The following DNAJC10 variants were observed in gnomAD, a reference collection of about 807,000 sequenced individuals.
DNAJC10 encodes the protein endoplasmic reticulum disulfide reductase DNAJC10.
Under a neutral mutation model 115.0 loss-of-function variants are expected in DNAJC10, and 101 were observed. That is an observed-to-expected ratio of 0.88 (90% CI 0.75 to 1.04). The LOEUF (loss-of-function observed/expected upper bound fraction) is 1.04. Ranked by LOEUF, DNAJC10 falls within the 50% of genes least tolerant of loss-of-function variation. The pLI, the probability that DNAJC10 is intolerant of heterozygous loss-of-function variation, is 0.00. For synonymous variants in DNAJC10, 307 were observed against 301.5 expected, an observed-to-expected ratio of 1.02 and a Z score of -0.19; for missense variants, 981 against 928.8, an observed-to-expected ratio of 1.06 and a Z score of -0.73.
intron 19 of DNAJC10, 91 bp from the exon 20 acceptor site, chr2:182,758,746 T>A: frequency 1.1e-6 from 1 of 939,694 alleles, no homozygotes. Flanking sequence ...TCAATATAAC[T>A]TATTTTTTAA....
Position 182,794,362 on chromosome 2 carries a change from TAAG to T in DNAJC10, c.*17233_*17235del, listed in dbSNP as rs377352850. 341 of 152,252 alleles carry T rather than the reference TAAG, an allele frequency of 2.2e-3. 4 individuals are homozygous for T. Among genetic ancestry groups the T allele is most frequent in the African/African-American group, 7.8e-3 (323 of 41,566 alleles). The allele number at this position is 152,252 out of a possible 1,614,324, so 9.4% of individuals were successfully genotyped here. On this transcript the variant is annotated 3_prime_UTR_variant, in exon 24 of 24. Transcript: ENST00000264065. ...TGATGACCACATTAAACTTACAGAG[TAAG>T]AAATGTCATTCTAGATTTGATTCTA...
chr2:182,739,261 A>G (rs935142804), intron 11 of DNAJC10, among the ~76,000 whole-genome samples: 2 of 147,626 alleles, frequency 1.4e-5, no homozygotes, highest in African/African-American at 2.5e-5. Context: ...TCATATATAT[A>G]TATTCAGTTT....
At chr2:182,775,237 A>C (rs1694674704) in intron 22 of DNAJC10, 79 bp from the exon 23 acceptor site, 5 of 886,688 alleles carry the variant, frequency 5.6e-6, no homozygotes, top group Non-Finnish European at 8.8e-6. Flanking sequence ...ACTTGAAAGC[A>C]TATTTAATCA....
chr2:182,751,733 A>G lies in DNAJC10; in HGVS notation c.1382A>G (p.Gln461Arg), dbSNP rs895732105. 21 of 1,613,860 alleles carry G rather than the reference A, an allele frequency of 1.3e-5. No homozygotes were observed. Among genetic ancestry groups the G allele is most frequent in the Non-Finnish European group, 1.7e-5 (20 of 1,179,916 alleles). ...VNSHVTTLGP[Q>R]NFPANDKEPW... ...TCTCATGTTACCACGCTTGGACCTC[A>G]AAATTTTCCTGCCAATGACAAAGAA... The change falls in exon 15 of 24, where the codon CAA becomes CGA. Residue 461 changes from glutamine to arginine, a missense_variant. Physicochemically the swap from Gln to Arg is conservative, Grantham distance 43 (BLOSUM62 1). Coordinates refer to ENST00000264065, the MANE Select transcript of DNAJC10 (RefSeq NM_018981.4).
In DNAJC10 at chr2:182,781,702, C is replaced by A. The variant is rs1431290421; in HGVS notation, c.*4570C>A. 1 of 152,186 alleles carries A rather than the reference C, an allele frequency of 6.6e-6. No individual in the cohort carries two copies. The highest frequency in any genetic ancestry group is 2.4e-5 in the African/African-American group (1 of 41,444). The allele number at this position is 152,186 out of a possible 1,614,324, so 9.4% of individuals were successfully genotyped here. A position where few individuals can be genotyped will look rare whatever the true frequency, so the allele number is the denominator to read the frequency against. On this transcript the variant is annotated 3_prime_UTR_variant, in exon 24 of 24. Transcript: ENST00000264065. ...CTCATTGTGTTTTTGATTTGCATTT[C>A]TCTAATGACCACTGATGATGAGCTT...
At chr2:182,738,819 C>T (rs113600679) in intron 11 of DNAJC10, among the ~76,000 whole-genome samples, 14,546 of 152,112 alleles carry the variant, frequency 0.096, 941 homozygotes, top group Non-Finnish European at 0.14. Flanking sequence ...GGATTACAGG[C>T]GTGAGCCACC....
rs1559007360 is a variant in DNAJC10, at chr2:182,740,382, A to ACTAGAC, written c.1076_1077insCCTAGA (p.Leu358_Glu359insAspLeu). ...ATTTTGAACTACTTTCGGCAAACAC[A>ACTAGAC]CTAGAGGTAATGTTTTTATTAATAA... On this transcript the variant is annotated inframe_insertion, in exon 12 of 24. Coordinates refer to ENST00000264065, the MANE Select transcript of DNAJC10 (RefSeq NM_018981.4). The ACTAGAC allele has an allele frequency of 1.3e-6, 2 of 1,568,396 alleles. No homozygotes were observed. Among genetic ancestry groups the ACTAGAC allele is most frequent in the Admixed American group, 2.0e-5 (1 of 50,776 alleles).
intron 11 of DNAJC10, among the ~76,000 whole-genome samples, chr2:182,739,187 A>C (rs542101306): frequency 2.8e-5 from 4 of 145,052 alleles, no homozygotes; most frequent in South Asian, 4.5e-4. Flanking sequence ...TATAGTATAT[A>C]TCATATATAT....
intron 17 of DNAJC10, among the ~76,000 whole-genome samples, chr2:182,755,835 A>T (rs2105676836): frequency 6.6e-6 from 1 of 152,234 alleles, no homozygotes; most frequent in South Asian, 2.1e-4. Flanking sequence ...CAGCCCTTGA[A>T]ACTCTTTTAT....
Position 182,729,841 on chromosome 2 carries a change from C to T in DNAJC10, c.634-7C>T, listed in dbSNP as rs530460047. 1.0e-5 allele frequency: 16 copies of T among 1,558,876 alleles called. No homozygotes were observed. In the African/African-American group the frequency reaches 2.1e-4, roughly 20 times the overall value. ...AAAGATGTTTCTCTTCTTACAAAAA[C>T]CAATAGGCCCCAGTGAAATATCATG... On this transcript the variant is annotated splice_polypyrimidine_tract_variant and splice_region_variant and intron_variant, in intron 7 of 23. Transcript: ENST00000264065.
In DNAJC10 at chr2:182,743,582, C is replaced by G. The variant is rs757740760; in HGVS notation, c.1192-16C>G. The G allele has an allele frequency of 6.4e-7, 1 of 1,562,642 alleles. No homozygotes were observed. ...AAGACAGTGTTTTTATCAAATTTGA[C>G]CTTTTTCTCCTTTAGGTTGGCAGGT... On this transcript the variant is annotated splice_polypyrimidine_tract_variant and intron_variant, in intron 13 of 23. Transcript: ENST00000264065.
chr2:182,757,643 G>A, intron 18 of DNAJC10, 49 bp from the exon 19 acceptor site: 2 of 1,368,370 alleles, frequency 1.5e-6, no homozygotes, highest in South Asian at 1.8e-5. Context: ...TTTCTTTATT[G>A]CAAACATATG....
chr2:182,755,438 T>C (rs1380214371), intron 17 of DNAJC10, among the ~76,000 whole-genome samples: 2 of 148,476 alleles, frequency 1.3e-5, no homozygotes, highest in Non-Finnish European at 3.0e-5. Context: ...TACAGCATCT[T>C]TTTTTTTTTT....
chr2:182,746,259 G>A (rs1233334686), intron 14 of DNAJC10, among the ~76,000 whole-genome samples: 2 of 152,132 alleles, frequency 1.3e-5, no homozygotes, highest in Non-Finnish European at 2.9e-5. Flanking sequence ...CCCAGTAATG[G>A]GATGGCTGGG....
intron 18 of DNAJC10, among the ~76,000 whole-genome samples, chr2:182,756,979 A>C (rs1694173469): frequency 6.6e-6 from 1 of 152,126 alleles, no homozygotes; most frequent in African/African-American, 2.4e-5. Context: ...ACAACAACCC[A>C]AAAATTTACC....
intron 15 of DNAJC10, 35 bp from the exon 16 acceptor site, chr2:182,752,037 T>G: frequency 1.3e-6 from 2 of 1,525,260 alleles, no homozygotes; most frequent in Non-Finnish European, 1.8e-6. Context: ...TTGTGTCATT[T>G]GGCTCGGTGC....
At chr2:182,724,398 A>G (rs1693229256) in intron 5 of DNAJC10, among the ~76,000 whole-genome samples, 1 of 152,332 alleles carries the variant, frequency 6.6e-6, no homozygotes, top group Admixed American at 6.5e-5. Context: ...TTCACATTCA[A>G]GATAAAAAGG....
At position 182,728,698 on chromosome 2, in the gene DNAJC10, A is replaced by G. The variant is rs911281115; in HGVS notation, c.501+40A>G. On this transcript the variant is annotated intron_variant, in intron 6 of 23. Coordinates refer to ENST00000264065, the MANE Select transcript of DNAJC10 (RefSeq NM_018981.4). ...CATCCTCATTACTAGTTTTATTTCT[A>G]ATTGATCTGCAATTTATATGTTAGA... The G allele has an allele frequency of 2.6e-6, 4 of 1,549,872 alleles. No individual in the cohort carries two copies. In the South Asian group the frequency reaches 3.6e-5, roughly 14 times the overall value.
chr2:182,780,407 C>G lies in DNAJC10; in HGVS notation c.*3275C>G, dbSNP rs1038763788. ...GCTCCTTCTCTGTGTGACATGCCTT[C>G]TCCCCCCGTGCCTTCTGCCATGAGT... On this transcript the variant is annotated 3_prime_UTR_variant, in exon 24 of 24. Transcript: ENST00000264065. The G allele has an allele frequency of 2.6e-5, 4 of 152,288 alleles. No homozygotes were observed. Among genetic ancestry groups the G allele is most frequent in the African/African-American group, 9.7e-5 (4 of 41,448 alleles). The allele number at this position is 152,288 out of a possible 1,614,324, so 9.4% of individuals were successfully genotyped here. A position where few individuals can be genotyped will look rare whatever the true frequency, so the allele number is the denominator to read the frequency against.
Sources: gnomAD v4.1 joint callset for allele counts (sites outside exome capture counted in the v4.1 genomes callset) on GRCh38, gnomAD v4.1.1 for gene constraint, MANE v1.5 for transcripts, NCBI Gene and HGNC (gene_info 2026-07-23, HGNC 2026-07-21) for gene names.